Variants in AMD1 observed in about 807,000 individuals in gnomAD.
AMD1 encodes the protein adenosylmethionine decarboxylase 1, also known as S-adenosylmethionine decarboxylase proenzyme.
In AMD1, 11 loss-of-function variants were observed where a neutral mutation model predicts 40.2. That is an observed-to-expected ratio of 0.27 (90% CI 0.17 to 0.45). The LOEUF is 0.45. AMD1 is among the 20% of genes least tolerant of loss of function. The pLI is 1.00. For missense variants in AMD1, 257 were observed against 410.2 expected (o/e 0.63, Z 3.23); for synonymous variants, 121 against 130.8 (o/e 0.93, Z 0.51).
the AMD1 span, among the ~76,000 whole-genome samples, chr6:110,860,628 G>A: frequency 8.6e-5 from 13 of 151,238 alleles, no homozygotes; most frequent in South Asian, 2.1e-4. Context: ...GTGAAACCCC[G>A]TCTCTACTAA....
chr6:110,869,936 T>TG (rs111937461), upstream of AMD1, among the ~76,000 whole-genome samples: 8,948 of 151,898 alleles, frequency 0.059, 285 homozygotes, highest in African/African-American at 0.092. Context: ...TAAATAGAGA[T>TG]GGGGGGTCTC....
chr6:110,841,066 T>A, the AMD1 span, among the ~76,000 whole-genome samples: 3 of 152,142 alleles, frequency 2.0e-5, no homozygotes, highest in Admixed American at 6.5e-5. Flanking sequence ...CAGGCTGGAG[T>A]GCAATGGCAC....
chr6:110,829,837 C>T, the AMD1 span, among the ~76,000 whole-genome samples: 1 of 151,900 alleles, frequency 6.6e-6, no homozygotes, highest in Non-Finnish European at 1.5e-5. Context: ...CAGAGTGAGA[C>T]CCTGTCTCAA....
intron 1 of AMD1, among the ~76,000 whole-genome samples, chr6:110,878,913 GACT>G (rs1785251784): frequency 6.6e-6 from 1 of 152,126 alleles, no homozygotes; most frequent in Non-Finnish European, 1.5e-5. Flanking sequence ...TGACTTATTT[GACT>G]ACATCATTAT....
At chr6:110,825,630 T>A in the AMD1 span, among the ~76,000 whole-genome samples, 1 of 152,224 alleles carries the variant, frequency 6.6e-6, no homozygotes, top group Non-Finnish European at 1.5e-5. Context: ...CGCTTTCTAG[T>A]CTGCCAGTAA....
Position 110,892,987 on chromosome 6 carries a change from C to T in AMD1, c.786C>T (p.Thr262=). Residue 262 remains threonine, a synonymous_variant, in exon 8 of 9, where the codon ACC becomes ACT. Coordinates refer to ENST00000368885, the MANE Select transcript of AMD1 (RefSeq NM_001634.6). ...YVSFETNLSQ[T]SYDDLIRKVV... is the part of the protein sequence containing the mutation. ...GCTTTGAAACAAACTTAAGTCAGAC[C>T]TCCTATGATGACCTGATCAGGAAAG... 6.2e-7 allele frequency: 1 copy of T among 1,613,964 alleles called. No homozygotes were observed. The highest frequency in any genetic ancestry group is 1.3e-5 in the African/African-American group (1 of 75,038).
At chr6:110,855,819 G>A in the AMD1 span, among the ~76,000 whole-genome samples, 6 of 152,136 alleles carry the variant, frequency 3.9e-5, no homozygotes, top group South Asian at 6.2e-4. Flanking sequence ...AGTGATGCAT[G>A]CCTGTAATCC....
At chr6:110,865,688 C>A in the AMD1 span, among the ~76,000 whole-genome samples, 1 of 152,026 alleles carries the variant, frequency 6.6e-6, no homozygotes, top group African/African-American at 2.4e-5. Flanking sequence ...AGCCACTGAG[C>A]CTGGCCCAAA....
intron 4 of AMD1, chr6:110,890,803 C>G (rs1562340101): frequency 6.6e-6 from 1 of 152,428 alleles, no homozygotes; most frequent in Non-Finnish European, 1.5e-5. Context: ...TTTACTTTGA[C>G]TTAGATGTTT....
At chr6:110,833,339 T>C in the AMD1 span, among the ~76,000 whole-genome samples, 1 of 152,168 alleles carries the variant, frequency 6.6e-6, no homozygotes, top group Non-Finnish European at 1.5e-5. Context: ...AATTGGGATA[T>C]AGCACTAGTT....
the AMD1 span, among the ~76,000 whole-genome samples, chr6:110,830,028 T>C: frequency 6.6e-6 from 1 of 151,946 alleles, no homozygotes. Flanking sequence ...GTTTGTTTGT[T>C]TTTTTGAGAC....
chr6:110,853,451 G>A, the AMD1 span, among the ~76,000 whole-genome samples: 2 of 152,078 alleles, frequency 1.3e-5, no homozygotes, highest in African/African-American at 2.4e-5. Flanking sequence ...GGGACTACAG[G>A]CGCGAGCCAC....
At chr6:110,818,955 G>C in the AMD1 span, among the ~76,000 whole-genome samples, 1 of 152,172 alleles carries the variant, frequency 6.6e-6, no homozygotes, top group Non-Finnish European at 1.5e-5. Context: ...TTGAGCTAAG[G>C]AGAACTATAA....
chr6:110,850,785 C>T, the AMD1 span, among the ~76,000 whole-genome samples: 1 of 152,080 alleles, frequency 6.6e-6, no homozygotes, highest in Non-Finnish European at 1.5e-5. Flanking sequence ...TAAGTATTTG[C>T]TTGATTAGTT....
chr6:110,818,274 G>C, the AMD1 span, among the ~76,000 whole-genome samples: 75 of 152,228 alleles, frequency 4.9e-4, no homozygotes, highest in Non-Finnish European at 2.2e-4. Flanking sequence ...GCAGTTGCAA[G>C]TAGATTTTTA....
At chr6:110,862,216 C>T in the AMD1 span, among the ~76,000 whole-genome samples, 1 of 151,272 alleles carries the variant, frequency 6.6e-6, no homozygotes, top group African/African-American at 2.4e-5. Flanking sequence ...CATTATGTTG[C>T]CCAGTCTCCA....
At chr6:110,846,743 G>A in the AMD1 span, among the ~76,000 whole-genome samples, 2 of 151,914 alleles carry the variant, frequency 1.3e-5, no homozygotes, top group Non-Finnish European at 2.9e-5. Context: ...GGTGGCGTGT[G>A]CCTGTAGTCC....
chr6:110,845,473 G>A, the AMD1 span, among the ~76,000 whole-genome samples: 1 of 152,154 alleles, frequency 6.6e-6, no homozygotes, highest in African/African-American at 2.4e-5. Flanking sequence ...TGGAGATTGA[G>A]TTGCTTACCT....
the AMD1 span, chr6:110,815,424 T>G: frequency 3.7e-6 from 1 of 272,766 alleles, no homozygotes; most frequent in Non-Finnish European, 6.8e-6. Flanking sequence ...TTTTGGAACC[T>G]GGTGGGCCGC....
Sources: allele counts gnomAD v4.1 joint callset (sites outside exome capture counted in the v4.1 genomes callset), GRCh38; gene constraint gnomAD v4.1.1; transcripts MANE v1.5; gene names NCBI Gene and HGNC (gene_info 2026-07-23, HGNC 2026-07-21).